Variants in THRB observed in about 807,000 individuals in gnomAD.
THRB encodes thyroid hormone receptor beta.
A neutral mutation model predicts 47.8 loss-of-function variants in THRB; 12 were observed. The ratio of observed to expected loss-of-function variants is 0.25; its 90% CI spans 0.16 to 0.41. The LOEUF is 0.41. Among genes scored for constraint, THRB ranks in the 10% least tolerant of loss-of-function variants. THRB has a pLI of 1.00. For synonymous variants in THRB, 218 were observed against 212.2 expected (o/e 1.03, Z -0.24); for missense variants, 348 against 589.2 (o/e 0.59, Z 4.24).
At chr3:24,446,532 A>C (rs965581220) in intron 1 of THRB, among the ~76,000 whole-genome samples, 1 of 149,946 alleles carries the variant, frequency 6.7e-6, no homozygotes, top group Non-Finnish European at 1.5e-5. Context: ...GTCATTCCAT[A>C]CACTATCTAC....
At chr3:24,332,352 G>A (rs2061980683) in intron 2 of THRB, among the ~76,000 whole-genome samples, 1 of 152,162 alleles carries the variant, frequency 6.6e-6, no homozygotes, top group South Asian at 2.1e-4. Flanking sequence ...ATAGAACCAC[G>A]ACCCCTGCTT....
At chr3:24,287,510 T>C (rs775426444) in intron 3 of THRB, among the ~76,000 whole-genome samples, 1 of 152,170 alleles carries the variant, frequency 6.6e-6, no homozygotes, top group Non-Finnish European at 1.5e-5. Context: ...CCACTGTCCT[T>C]TAGTTTGTAA....
At chr3:24,278,657 AT>A (rs2054193959) in intron 3 of THRB, among the ~76,000 whole-genome samples, 1 of 152,144 alleles carries the variant, frequency 6.6e-6, no homozygotes, top group South Asian at 2.1e-4. Context: ...TACTCATCAC[AT>A]GGTATTGAAA....
At chr3:24,133,896 G>A (rs919136327) in intron 8 of THRB, among the ~76,000 whole-genome samples, 8 of 152,160 alleles carry the variant, frequency 5.3e-5, no homozygotes, top group Admixed American at 6.5e-5. Context: ...AGAGCAGAGC[G>A]ATGGGTGGGC....
At chr3:24,479,743 C>T (rs1420088808) in intron 1 of THRB, among the ~76,000 whole-genome samples, 2 of 152,142 alleles carry the variant, frequency 1.3e-5, no homozygotes, top group Non-Finnish European at 2.9e-5. Flanking sequence ...AGGTGGAAGT[C>T]GGGGTTACAG....
At chr3:24,312,178 C>G (rs1000562006) in intron 2 of THRB, among the ~76,000 whole-genome samples, 1 of 152,226 alleles carries the variant, frequency 6.6e-6, no homozygotes, top group Admixed American at 6.5e-5. Context: ...TTTTCCTGAC[C>G]TCTCAAGTCA....
intron 3 of THRB, among the ~76,000 whole-genome samples, chr3:24,254,687 A>G (rs944581080): frequency 1.3e-5 from 2 of 152,216 alleles, no homozygotes; most frequent in African/African-American, 4.8e-5. Context: ...TTCTGCTTCT[A>G]AAGGGCTCAG....
At chr3:24,316,901 G>A (rs962797262) in intron 2 of THRB, among the ~76,000 whole-genome samples, 2 of 152,130 alleles carry the variant, frequency 1.3e-5, no homozygotes, top group Non-Finnish European at 2.9e-5. Flanking sequence ...TCCTTTTCGT[G>A]AAAGGCTGAG....
At position 24,120,143 on chromosome 3, in the gene THRB, C is replaced by G. The variant is rs2031405825; in HGVS notation, c.*2741G>C. 6.6e-6 allele frequency: 1 copy of G among 152,210 alleles called. No individual in the cohort carries two copies. The highest frequency in any genetic ancestry group is 1.5e-5 in the Non-Finnish European group (1 of 68,048). The allele number at this position is 152,210 out of a possible 1,614,324, so 9.4% of individuals were successfully genotyped here. A position where few individuals can be genotyped will look rare whatever the true frequency, so the allele number is the denominator to read the frequency against. ...TGGAGTCTTGAGATGCACTAAGTAC[C>G]TCTGTCAGCTTCAGAAGGAAGGAGT... On this transcript the variant is annotated 3_prime_UTR_variant, in exon 11 of 11. Coordinates refer to ENST00000646209, the MANE Select transcript of THRB (RefSeq NM_001354712.2).
intron 1 of THRB, among the ~76,000 whole-genome samples, chr3:24,373,655 C>G (rs1386718084): frequency 6.6e-6 from 1 of 152,096 alleles, no homozygotes; most frequent in Admixed American, 6.6e-5. Flanking sequence ...ATACTGCATT[C>G]CACATGAAAG....
rs1423640220 is a variant in THRB, at chr3:24,120,342, T to G, written c.*2542A>C. The G allele has an allele frequency of 2.0e-5, 3 of 152,240 alleles. No homozygotes were observed. Among genetic ancestry groups the G allele is most frequent in the Non-Finnish European group, 2.9e-5 (2 of 68,048 alleles). The allele number at this position is 152,240 out of a possible 1,614,324, so 9.4% of individuals were successfully genotyped here. The stretch of plus-strand genomic sequence containing the variant: ...TAAGGTGCCAAGGATCAAACGTTCC[T>G]TTACTTGCGGCTGGCTGGATGGCTG... On this transcript the variant is annotated 3_prime_UTR_variant, in exon 11 of 11. Transcript: ENST00000646209.
intron 1 of THRB, among the ~76,000 whole-genome samples, chr3:24,338,928 C>G (rs2062440216): frequency 6.6e-6 from 1 of 152,204 alleles, no homozygotes; most frequent in Non-Finnish European, 1.5e-5. Flanking sequence ...CTTCACCTCA[C>G]CATTTGGCTG....
intron 1 of THRB, among the ~76,000 whole-genome samples, chr3:24,344,594 T>C (rs2062888248): frequency 6.6e-6 from 1 of 152,056 alleles, no homozygotes; most frequent in African/African-American, 2.4e-5. Flanking sequence ...AATCCTCTAA[T>C]GTACTAAATT....
chr3:24,342,374 C>A (rs1179581060), intron 1 of THRB, among the ~76,000 whole-genome samples: 1 of 152,034 alleles, frequency 6.6e-6, no homozygotes, highest in Non-Finnish European at 1.5e-5. Flanking sequence ...AGCAGGAAAC[C>A]CCTAAGCTAT....
At chr3:24,217,147 G>A (rs1231616013) in intron 4 of THRB, among the ~76,000 whole-genome samples, 6 of 150,744 alleles carry the variant, frequency 4.0e-5, no homozygotes, top group East Asian at 3.9e-4. Flanking sequence ...CCTACTTAGA[G>A]TTGAGAAAAT....
Position 24,123,107 on chromosome 3 carries a change from C to A in THRB, c.1163G>T (p.Cys388Phe). ...TTGGTACTTTTCTATTCTCTCAACACAGGCAAGCCCCGGGCGATCTGCGGG... is the reference window on the plus strand; with the variant it reads ...TTGGTACTTTTCTATTCTCTCAACAAAGGCAAGCCCCGGGCGATCTGCGGG... Reference protein sequence around the residue: ...LMSSDRPGLACVERIEKYQDS... With the variant: ...LMSSDRPGLAFVERIEKYQDS... The change falls in exon 11 of 11, where the codon TGT becomes TTT. Residue 388 changes from cysteine to phenylalanine, a missense_variant. Cys to Phe is a radical substitution (Grantham distance 205). Transcript: ENST00000646209. The A allele has an allele frequency of 6.2e-7, 1 of 1,614,194 alleles. No individual in the cohort carries two copies. Among genetic ancestry groups the A allele is most frequent in the Non-Finnish European group, 8.5e-7 (1 of 1,180,042 alleles).
intron 2 of THRB, among the ~76,000 whole-genome samples, chr3:24,332,181 C>A (rs768987841): frequency 3.3e-5 from 5 of 152,146 alleles, no homozygotes; most frequent in Non-Finnish European, 7.4e-5. Flanking sequence ...GTAATGGGTG[C>A]CTTTTTCTAC....
At chr3:24,186,944 CAAAAAAAAAAAA>C (rs71057655) in intron 5 of THRB, among the ~76,000 whole-genome samples, 1 of 77,534 alleles carries the variant, frequency 1.3e-5, no homozygotes, top group Non-Finnish European at 2.4e-5. Flanking sequence ...GACTCCATTT[CAAAAAAAAAAAA>C]AAAAAAAAAA....
intron 5 of THRB, among the ~76,000 whole-genome samples, chr3:24,167,648 G>C (rs987802427): frequency 2.6e-5 from 4 of 152,080 alleles, no homozygotes; most frequent in African/African-American, 9.7e-5. Context: ...ATGTTCCAAA[G>C]TCTCTTTTTC....
Sources: allele counts gnomAD v4.1 joint callset (sites outside exome capture counted in the v4.1 genomes callset), GRCh38; gene constraint gnomAD v4.1.1; transcripts MANE v1.5; gene names NCBI Gene and HGNC (gene_info 2026-07-23, HGNC 2026-07-21).